Variants in RICTOR observed in about 807,000 individuals in gnomAD.
The protein encoded by RICTOR is rapamycin-insensitive companion of mTOR.
A neutral mutation model predicts 214.9 loss-of-function variants in RICTOR; 49 were observed. The ratio of observed to expected loss-of-function variants is 0.23; its 90% confidence interval spans 0.18 to 0.29. The LOEUF is 0.29. Ranked by LOEUF, RICTOR falls within the 10% of genes least tolerant of loss-of-function variation. The pLI, the probability that RICTOR is intolerant of heterozygous loss-of-function variation, is 1.00. For synonymous variants in RICTOR, 717 were observed against 711.3 expected, an observed-to-expected ratio of 1.01 and a Z score of -0.13; for missense variants, 1,625 against 2,047.0, an observed-to-expected ratio of 0.79 and a Z score of 3.98.
chr5:39,034,944 A>G (rs1339446619), intron 2 of RICTOR, among the ~76,000 whole-genome samples: 1 of 152,238 alleles, frequency 6.6e-6, no homozygotes, highest in Non-Finnish European at 1.5e-5. Context: ...AAATGTCCCT[A>G]TCTGACAGCT....
chr5:38,973,016 C>T (rs1750916215), intron 10 of RICTOR, among the ~76,000 whole-genome samples: 1 of 149,226 alleles, frequency 6.7e-6, no homozygotes, highest in South Asian at 2.1e-4. Context: ...CAAAAAAAAG[C>T]CTTATCAGTA....
chr5:39,066,271 C>T (rs1355152831), intron 2 of RICTOR, among the ~76,000 whole-genome samples: 1 of 152,218 alleles, frequency 6.6e-6, no homozygotes, highest in Non-Finnish European at 1.5e-5. Context: ...TACCTGGGCC[C>T]CTTTGAACAA....
chr5:38,993,395 A>G (rs1752931591), intron 6 of RICTOR, among the ~76,000 whole-genome samples: 1 of 152,158 alleles, frequency 6.6e-6, no homozygotes, highest in Non-Finnish European at 1.5e-5. Context: ...GTAACTGACT[A>G]GTGGAAAAAT....
At chr5:39,002,197 G>C (rs956179827) in intron 5 of RICTOR, among the ~76,000 whole-genome samples, 6 of 145,400 alleles carry the variant, frequency 4.1e-5, no homozygotes, top group Non-Finnish European at 6.0e-5. Flanking sequence ...AAATCAACAT[G>C]TATGAATCTC....
intron 15 of RICTOR, among the ~76,000 whole-genome samples, chr5:38,965,261 T>C (rs1177459675): frequency 6.6e-6 from 1 of 152,032 alleles, no homozygotes; most frequent in Non-Finnish European, 1.5e-5. Flanking sequence ...TTTAAAATGC[T>C]AGATGCCATA....
chr5:38,972,244 C>T (rs1334988441), intron 10 of RICTOR, among the ~76,000 whole-genome samples: 1 of 152,198 alleles, frequency 6.6e-6, no homozygotes, highest in Non-Finnish European at 1.5e-5. Flanking sequence ...GAACTCTTCT[C>T]TGGGAGTAAG....
chr5:38,990,774 T>TATATGAG (rs1752678950), intron 7 of RICTOR, among the ~76,000 whole-genome samples, 175 bp downstream of exon 7: 1 of 5,052 alleles, frequency 2.0e-4, no homozygotes, highest in Non-Finnish European at 3.2e-3. Context: ...AGATATATGA[T>TATATGAG]ATATATGAGA....
intron 2 of RICTOR, among the ~76,000 whole-genome samples, chr5:39,066,770 C>T (rs557748026): frequency 6.6e-6 from 1 of 152,360 alleles, no homozygotes; most frequent in South Asian, 2.1e-4. Context: ...CAAACTTCCA[C>T]AGGTCCCTAC....
intron 3 of RICTOR, among the ~76,000 whole-genome samples, chr5:39,011,527 G>A (rs1213864677): frequency 6.6e-6 from 1 of 152,128 alleles, no homozygotes; most frequent in Admixed American, 6.5e-5. Flanking sequence ...CTTGCACTGG[G>A]CGCCTGGAAA....
In RICTOR at chr5:38,981,999, T is replaced by C. The variant is rs1163440634; in HGVS notation, c.621A>G (p.Gly207=). ...QNPEVVALRG[G]LNTILKNVID... ...TCACATTTTTCAAGATGGTGTTTAG[T>C]CCACCTCGAAGGGCCACCACCTCTG... Residue 207 remains glycine, a synonymous_variant, in exon 8 of 38, where the codon GGA becomes GGG. Transcript: ENST00000357387. 6.2e-7 allele frequency: 1 copy of C among 1,613,248 alleles called. No homozygotes were observed. The highest frequency in any genetic ancestry group is 8.5e-7 in the Non-Finnish European group (1 of 1,179,334).
chr5:38,999,807 A>G (rs1019085531), intron 5 of RICTOR, among the ~76,000 whole-genome samples: 4 of 152,062 alleles, frequency 2.6e-5, no homozygotes, highest in African/African-American at 9.7e-5. Context: ...TAAATAGTCT[A>G]AATACTCCAA....
chr5:38,962,270 A>G (rs762030938), intron 19 of RICTOR, 45 bp downstream of exon 19: 3 of 909,024 alleles, frequency 3.3e-6, no homozygotes, highest in Non-Finnish European at 3.5e-6. Flanking sequence ...CCTAATATCC[A>G]TATTTAAGTT....
intron 14 of RICTOR, 168 bp from the exon 15 acceptor site, chr5:38,966,889 C>G (rs145110237): frequency 1.7e-6 from 1 of 587,858 alleles, no homozygotes; most frequent in African/African-American, 1.9e-5. Context: ...TAACCTCTGC[C>G]TTCCGGGTTC....
intron 2 of RICTOR, among the ~76,000 whole-genome samples, chr5:39,060,475 G>A (rs555364768): frequency 8.5e-5 from 13 of 152,088 alleles, no homozygotes; most frequent in Admixed American, 7.2e-4. Context: ...TGAAAGAAAC[G>A]TAGAAGCATA....
At chr5:38,975,737 A>AGG in intron 9 of RICTOR, 133 bp from the exon 10 acceptor site, 2 of 486,014 alleles carry the variant, frequency 4.1e-6, no homozygotes, top group South Asian at 4.5e-5. Context: ...AAACAAGACA[A>AGG]AGATCAGATC....
At chr5:39,015,510 T>C (rs1006571550) in intron 3 of RICTOR, among the ~76,000 whole-genome samples, 1 of 151,930 alleles carries the variant, frequency 6.6e-6, no homozygotes, top group Non-Finnish European at 1.5e-5. Context: ...TCTGGAGACA[T>C]TTCTGCTTGT....
intron 2 of RICTOR, 47 bp downstream of exon 2, chr5:39,074,064 C>A (rs769581018): frequency 4.7e-5 from 70 of 1,485,462 alleles, no homozygotes; most frequent in Middle Eastern, 4.5e-4. Flanking sequence ...GGACCCGGCT[C>A]CTCCCCAGCA....
rs569331288 is a variant in RICTOR, at chr5:39,054,955, C to G, written c.97+19156G>C. Among the ~76,000 whole-genome samples the G allele has an allele frequency of 3.3e-5, 5 of 152,282 alleles. No homozygotes were observed. The South Asian group carries it at 1.0e-3, about 32-fold the overall frequency. ...CTATCTCGTCTTGAAAAACAATACA[C>G]TACTTCAGTTTCAAGTGATTCAAAT... On this transcript the variant is annotated intron_variant, in intron 2 of 37. Coordinates refer to ENST00000357387, the MANE Select transcript of RICTOR (RefSeq NM_152756.5).
chr5:38,977,438 C>G (rs917485761), intron 9 of RICTOR, among the ~76,000 whole-genome samples: 6 of 152,054 alleles, frequency 3.9e-5, no homozygotes, highest in Non-Finnish European at 8.8e-5. Flanking sequence ...CAAGAAAGGG[C>G]CTTACAAATT....
Sources: allele counts gnomAD v4.1 joint callset (sites outside exome capture counted in the v4.1 genomes callset), GRCh38; gene constraint gnomAD v4.1.1; transcripts MANE v1.5; gene names NCBI Gene and HGNC (gene_info 2026-07-23, HGNC 2026-07-21).